The following KIAA1549L variants were observed in gnomAD, a reference collection of about 807,000 sequenced individuals.
The protein encoded by KIAA1549L is KIAA1549 like, also known as UPF0606 protein KIAA1549L.
Under a neutral mutation model 160.7 loss-of-function variants are expected in KIAA1549L, and 88 were observed. The observed-to-expected ratio is 0.55, with a 90% CI of 0.46 to 0.65. KIAA1549L has a LOEUF of 0.65. KIAA1549L is among the 30% of genes least tolerant of loss of function. The pLI, the probability that KIAA1549L is intolerant of heterozygous loss-of-function variation, is 0.00. For missense variants in KIAA1549L, 2,258 were observed against 2,437.5 expected, an observed-to-expected ratio of 0.93 and a Z score of 1.55; for synonymous variants, 950 against 976.7, an observed-to-expected ratio of 0.97 and a Z score of 0.51.
At chr11:33,564,620 A>G (rs751769138) in intron 8 of KIAA1549L, among the ~76,000 whole-genome samples, 9 of 152,226 alleles carry the variant, frequency 5.9e-5, no homozygotes, top group Non-Finnish European at 1.0e-4. Flanking sequence ...GACAGAGGGG[A>G]CAGCCCATTT....
chr11:33,495,846 G>A (rs1020666385), intron 1 of KIAA1549L, among the ~76,000 whole-genome samples: 3 of 151,738 alleles, frequency 2.0e-5, no homozygotes, highest in African/African-American at 7.3e-5. Context: ...GTATCTCATT[G>A]TGGTTTTGAT....
chr11:33,590,426 A>G (rs1850019309), intron 11 of KIAA1549L, among the ~76,000 whole-genome samples: 1 of 152,212 alleles, frequency 6.6e-6, no homozygotes, highest in African/African-American at 2.4e-5. Flanking sequence ...AAATAGAGAC[A>G]CTTTCAGGAA....
In KIAA1549L at chr11:33,444,094, A is replaced by G. The variant is rs574400686; in HGVS notation, c.238+67205A>G. Among the ~76,000 whole-genome samples, 18 of 152,348 alleles carry G rather than the reference A, an allele frequency of 1.2e-4. No individual in the cohort carries two copies. In the South Asian group the frequency reaches 2.7e-3, roughly 23 times the overall value. ...GGGTTATTGAACTTATATGTGAATG[A>G]TGATCTCAGAAAACAAAAAGAAGGG... On this transcript the variant is annotated intron_variant, in intron 1 of 20. Coordinates refer to ENST00000658780, the MANE Select transcript of KIAA1549L (RefSeq NM_012194.3).
At chr11:33,483,279 A>G (rs1852450997) in intron 1 of KIAA1549L, among the ~76,000 whole-genome samples, 2 of 152,272 alleles carry the variant, frequency 1.3e-5, no homozygotes, top group Non-Finnish European at 1.5e-5. Flanking sequence ...AGTAACAAAT[A>G]TCTTGTTTGA....
intron 13 of KIAA1549L, among the ~76,000 whole-genome samples, chr11:33,604,700 A>T (rs999294646): frequency 2.0e-5 from 3 of 152,200 alleles, no homozygotes; most frequent in African/African-American, 7.2e-5. Context: ...GTAACTCAGG[A>T]ATGGAAAACC....
chr11:33,550,038 G>T (rs1168000480), intron 4 of KIAA1549L, among the ~76,000 whole-genome samples: 2 of 122,806 alleles, frequency 1.6e-5, no homozygotes, highest in African/African-American at 6.7e-5. Flanking sequence ...AACAAAAAAA[G>T]AAACAAAAAA....
chr11:33,652,125 C>T (rs1302137435), intron 17 of KIAA1549L, among the ~76,000 whole-genome samples: 4 of 151,504 alleles, frequency 2.6e-5, no homozygotes, highest in Non-Finnish European at 5.9e-5. Flanking sequence ...AGGTTTTCCT[C>T]ACAGCCAGCA....
intron 8 of KIAA1549L, among the ~76,000 whole-genome samples, chr11:33,567,773 C>A (rs1020987285): frequency 6.6e-6 from 1 of 152,212 alleles, no homozygotes; most frequent in Non-Finnish European, 1.5e-5. Flanking sequence ...TGTCACAGTT[C>A]ACAGAGCAAA....
At chr11:33,426,264 C>T (rs993428764) in intron 1 of KIAA1549L, among the ~76,000 whole-genome samples, 2 of 152,156 alleles carry the variant, frequency 1.3e-5, no homozygotes, top group African/African-American at 4.8e-5. Flanking sequence ...TGGTAATTTT[C>T]TATGAGTCTG....
chr11:33,626,318 G>A (rs1851111805), intron 16 of KIAA1549L, among the ~76,000 whole-genome samples: 1 of 142,568 alleles, frequency 7.0e-6, no homozygotes, highest in Admixed American at 6.9e-5. Flanking sequence ...TAGCTTGATG[G>A]GGATGGCATT....
intron 1 of KIAA1549L, among the ~76,000 whole-genome samples, chr11:33,476,629 A>C (rs1227907192): frequency 6.6e-6 from 1 of 152,136 alleles, no homozygotes; most frequent in African/African-American, 2.4e-5. Context: ...TTCAGCTGCT[A>C]TCCCTGGAAT....
intron 1 of KIAA1549L, among the ~76,000 whole-genome samples, chr11:33,425,800 T>C (rs1244776112): frequency 1.3e-5 from 2 of 152,236 alleles, no homozygotes; most frequent in Non-Finnish European, 2.9e-5. Context: ...AGTAATGAGA[T>C]GTGTCAACAT....
At chr11:33,574,958 A>G (rs1034101043) in intron 10 of KIAA1549L, 85 bp downstream of exon 10, 4 of 1,152,692 alleles carry the variant, frequency 3.5e-6, no homozygotes, top group Admixed American at 1.9e-5. Flanking sequence ...AATCATGTTA[A>G]TGGTCTCAGA....
At chr11:33,571,671 C>T (rs188044458) in intron 9 of KIAA1549L, among the ~76,000 whole-genome samples, 36 of 152,272 alleles carry the variant, frequency 2.4e-4, no homozygotes, top group African/African-American at 8.2e-4. Flanking sequence ...TTCACTACTG[C>T]GAGGACAGCA....
Position 33,492,542 on chromosome 11 carries a change from C to T in KIAA1549L, c.239-49260C>T, listed in dbSNP as rs375480763. 6.1e-4 allele frequency among the ~76,000 whole-genome samples: 93 copies of T among 152,226 alleles called. 1 individual carries two copies. Among genetic ancestry groups the T allele is most frequent in the African/African-American group, 2.0e-3 (81 of 41,520 alleles). On this transcript the variant is annotated intron_variant, in intron 1 of 20. Transcript: ENST00000658780. Reference sequence around the variant, plus strand: ...TGTCATCTGACTCCAAGTGGAATTTCGCACAGGTAATAGTCCTGGACGTGG... The same window carrying T: ...TGTCATCTGACTCCAAGTGGAATTTTGCACAGGTAATAGTCCTGGACGTGG...
Position 33,419,895 on chromosome 11 carries a change from TAC to T in KIAA1549L, c.238+43008_238+43009del, listed in dbSNP as rs1376303463. Among the ~76,000 whole-genome samples the T allele has an allele frequency of 3.5e-3, 342 of 98,308 alleles. 3 individuals carry two copies. In the Middle Eastern group the frequency reaches 0.049, roughly 14 times the overall value. 64.5% of individuals were successfully genotyped at this position (98,308 alleles called of 152,430 possible). A position where few individuals can be genotyped will look rare whatever the true frequency, so the allele number is the denominator to read the frequency against. Reference sequence around the variant, plus strand: ...ATACATACATACATACATACATACATACATACATACATATATATATATGAATA... The same window carrying T: ...ATACATACATACATACATACATACATATACATACATATATATATATGAATA... On this transcript the variant is annotated intron_variant, in intron 1 of 20. Coordinates refer to ENST00000658780, the MANE Select transcript of KIAA1549L (RefSeq NM_012194.3).
At position 33,658,735 on chromosome 11, in the gene KIAA1549L, C is replaced by A. The variant is rs746120879; in HGVS notation, c.5859-15C>A. 6.4e-7 allele frequency: 1 copy of A among 1,567,844 alleles called. No homozygotes were observed. The highest frequency in any genetic ancestry group is 1.8e-5 in the Admixed American group (1 of 54,302). On this transcript the variant is annotated splice_polypyrimidine_tract_variant and intron_variant, in intron 18 of 20. Coordinates refer to ENST00000658780, the MANE Select transcript of KIAA1549L (RefSeq NM_012194.3). ...GTCTGGGACAGTGCTAACGCAGTCCCTCTGCCCCATCTAGATCCACCTCAG... is the reference window on the plus strand; with the variant it reads ...GTCTGGGACAGTGCTAACGCAGTCCATCTGCCCCATCTAGATCCACCTCAG...
chr11:33,601,475 G>A (rs1463427084), intron 13 of KIAA1549L, among the ~76,000 whole-genome samples: 33 of 152,168 alleles, frequency 2.2e-4, no homozygotes, highest in Admixed American at 2.2e-3. Flanking sequence ...CCAAAGGAAG[G>A]AAGGAAGAAA....
At chr11:33,453,092 A>G (rs1256100722) in intron 1 of KIAA1549L, among the ~76,000 whole-genome samples, 1 of 152,232 alleles carries the variant, frequency 6.6e-6, no homozygotes, top group Non-Finnish European at 1.5e-5. Flanking sequence ...GCATTCTCTG[A>G]GTGACTGACA....
Sources: allele counts gnomAD v4.1 joint callset (sites outside exome capture counted in the v4.1 genomes callset), GRCh38; gene constraint gnomAD v4.1.1; transcripts MANE v1.5; gene names NCBI Gene and HGNC (gene_info 2026-07-23, HGNC 2026-07-21).